TBX3: variants seen among roughly 807,000 people sequenced by gnomAD.
TBX3 encodes T-box transcription factor 3.
Under a neutral mutation model 47.8 loss-of-function variants are expected in TBX3, and 11 were observed. That is an observed-to-expected ratio of 0.23 (90% confidence interval 0.14 to 0.38). The LOEUF (loss-of-function observed/expected upper bound fraction) is 0.38, where lower values mean the gene tolerates loss of function less well. Among genes scored for constraint, TBX3 ranks in the 10% least tolerant of loss-of-function variants. The pLI is 1.00. For missense variants in TBX3, 927 were observed against 1,022.8 expected (o/e 0.91, Z 1.28); for synonymous variants, 500 against 449.3 (o/e 1.11, Z -1.43).
chr12:114,671,943 G>A lies in TBX3; in HGVS notation c.2070C>T (p.Leu690=). Residue 690 remains leucine (L), a synonymous_variant, in exon 7 of 7, where the codon CTC becomes CTT. Coordinates refer to ENST00000349155, the MANE Select transcript of TBX3 (RefSeq NM_005996.4). ...TGGTGGCCGCCTCTTTCTCCGCGCA[G>A]AGTTTGGGCGACAAGGACATGGAGC... is the stretch of plus-strand genomic sequence containing the variant. ...SSSSMSLSPK[L]CAEKEAATSE... 1 of 1,595,706 alleles carries A rather than the reference G, an allele frequency of 6.3e-7. No individual in the cohort carries two copies. The highest frequency in any genetic ancestry group is 8.5e-7 in the Non-Finnish European group (1 of 1,171,190).
chr12:114,680,729 C>G lies in TBX3; in HGVS notation c.657+150G>C, dbSNP rs545443240. 4.2e-5 allele frequency: 50 copies of G among 1,180,214 alleles called. No homozygotes were observed. The East Asian group carries it at 1.2e-3, about 27-fold the overall frequency. The allele number at this position is 1,180,214 out of a possible 1,614,324, so 73.1% of individuals were successfully genotyped here. A position where few individuals can be genotyped will look rare whatever the true frequency, so the allele number is the denominator to read the frequency against. On this transcript the variant is annotated intron_variant, in intron 2 of 6. Coordinates refer to ENST00000349155, the MANE Select transcript of TBX3 (RefSeq NM_005996.4). Reference sequence around the variant, plus strand: ...GCCTTCCATTATTTGGAGAGAAACACCCCGAATCCTTTTTCCAGACGAGGA... The same window carrying G: ...GCCTTCCATTATTTGGAGAGAAACAGCCCGAATCCTTTTTCCAGACGAGGA...
chr12:114,677,460 G>A, intron 4 of TBX3, 120 bp downstream of exon 4: 1 of 951,882 alleles, frequency 1.1e-6, no homozygotes, highest in Non-Finnish European at 1.7e-6. Context: ...AGTGGGGAAA[G>A]TGAATGATTT....
rs1178333286 is a variant in TBX3 at position 114,683,072 on chromosome 12, C to G, written c.129G>C (p.Ala43=). Residue 43 remains alanine, a synonymous_variant, in exon 1 of 7, where the codon GCG becomes GCC. Transcript: ENST00000349155. This position sits in a 1 kb window ranked among gnomAD's most constrained non-coding sequence, Gnocchi z 7.7. ...VLGHQPPFFP[A]LTLPPNGAAA... is the part of the protein sequence containing the mutation. Reference sequence around the variant, plus strand: ...CCGCGCCGTTGGGAGGCAGCGTCAGCGCGGGGAAGAACGGCGGCTGGTGAC... The same window carrying G: ...CCGCGCCGTTGGGAGGCAGCGTCAGGGCGGGGAAGAACGGCGGCTGGTGAC... The G allele has an allele frequency of 1.2e-6, 2 of 1,610,692 alleles. No homozygotes were observed. Among genetic ancestry groups the G allele is most frequent in the African/African-American group, 2.7e-5 (2 of 74,822 alleles).
chr12:114,679,917 G>A, intron 2 of TBX3: 1 of 1,614,066 alleles, frequency 6.2e-7, no homozygotes, highest in Non-Finnish European at 8.5e-7. Context: ...GCCTACCTGA[G>A]TACCAAAACT....
chr12:114,682,882 G>A lies in TBX3; in HGVS notation c.319C>T (p.Leu107=), dbSNP rs764635096. 1 of 1,614,174 alleles carries A rather than the reference G, an allele frequency of 6.2e-7. No individual in the cohort carries two copies. Among genetic ancestry groups the A allele is most frequent in the South Asian group, 1.1e-5 (1 of 91,080 alleles). The change falls in exon 1 of 7, where the codon CTG becomes TTG. Residue 107 remains leucine, a synonymous_variant. Coordinates refer to ENST00000349155, the MANE Select transcript of TBX3 (RefSeq NM_005996.4). The part of the protein sequence containing the change: ...EEVEDDPKVH[L]EAKELWDQFH... The stretch of plus-strand genomic sequence containing the variant: ...TGATCCCAAAGTTCTTTAGCCTCCA[G>A]GTGCACCTTGGGGTCGTCCTCCACC...
rs1203945786 is a variant in TBX3, at chr12:114,683,630, C to G, written c.-430G>C. 8.3e-6 allele frequency: 2 copies of G among 239,760 alleles called. No individual in the cohort carries two copies. The highest frequency in any genetic ancestry group is 1.6e-5 in the Non-Finnish European group (2 of 123,474). The allele number at this position is 239,760 out of a possible 1,614,324, so 14.9% of individuals were successfully genotyped here. A position where few individuals can be genotyped will look rare whatever the true frequency, so the allele number is the denominator to read the frequency against. The stretch of plus-strand genomic sequence containing the variant: ...TCTCCAGCCCCTAGGTCTTTTGTTG[C>G]AAATGTGAAAGGTTCTCCTAGAAGA... On this transcript the variant is annotated 5_prime_UTR_variant, in exon 1 of 7. Transcript: ENST00000349155. The surrounding 1 kb of genome is among the most constrained non-coding windows in gnomAD (Gnocchi z 7.7).
intron 3 of TBX3, among the ~76,000 whole-genome samples, chr12:114,678,589 C>T (rs1868805567): frequency 1.3e-5 from 2 of 152,162 alleles, no homozygotes; most frequent in South Asian, 4.1e-4. Flanking sequence ...ATCATGAAGT[C>T]CACAGAGGAC....
Position 114,674,537 on chromosome 12 carries a change from C to T in TBX3, c.1338G>A (p.Lys446=). 6.5e-7 allele frequency: 1 copy of T among 1,537,930 alleles called. No homozygotes were observed. The highest frequency in any genetic ancestry group is 8.7e-7 in the Non-Finnish European group (1 of 1,146,584). Residue 446 remains lysine, a synonymous_variant, in exon 6 of 7, where the codon AAG becomes AAA. Transcript: ENST00000349155. ...SPVREGTAPA[K]VEEARALPGK... ...CCGGGAGCGCGCGCGCCTCTTCCAC[C>T]TTGGCCGGCGCTGTGCCCTCGCGAA...
At position 114,679,608 on chromosome 12, in the gene TBX3, A is replaced by G. The variant is rs1441443517; in HGVS notation, c.701T>C (p.Ile234Thr). ...SMHKYQPRFH[I>T]VRANDILKLP... ...TTTCAAGATGTCATTGGCTCTTACA[A>G]TGTGGAACCGGGGCTGGTATTTGTG... Residue 234 changes from isoleucine (I) to threonine (T), a missense_variant, in exon 3 of 7, where the codon ATT becomes ACT. By Grantham distance (89) the Ile-to-Thr change is moderately conservative. Transcript: ENST00000349155. The G allele has an allele frequency of 6.2e-7, 1 of 1,614,176 alleles. No homozygotes were observed. The highest frequency in any genetic ancestry group is 8.5e-7 in the Non-Finnish European group (1 of 1,180,008).
chr12:114,674,719 C>A lies in TBX3; in HGVS notation c.1156G>T (p.Asp386Tyr). Residue 386 changes from aspartate (D) to tyrosine (Y), a missense_variant, in exon 6 of 7, where the codon GAC (aspartate) becomes TAC (tyrosine). Coordinates refer to ENST00000349155, the MANE Select transcript of TBX3 (RefSeq NM_005996.4). ...GCCTTGACCGCGGGGCTGCCCTTGT[C>A]ACGGCAGGGCTCCTCCGACGTGGTG... Reference protein sequence around the residue: ...STTTSEEPCRDKGSPAVKAHL... With the variant: ...STTTSEEPCRYKGSPAVKAHL... 1 of 1,601,338 alleles carries A rather than the reference C, an allele frequency of 6.2e-7. No individual in the cohort carries two copies. The highest frequency in any genetic ancestry group is 8.5e-7 in the Non-Finnish European group (1 of 1,177,416).
At chr12:114,677,161 G>A (rs940427315) in intron 4 of TBX3, among the ~76,000 whole-genome samples, 4 of 152,188 alleles carry the variant, frequency 2.6e-5, no homozygotes, top group Non-Finnish European at 5.9e-5. Flanking sequence ...TCCCCACGAA[G>A]GAGGGAGAGA....
intron 6 of TBX3, among the ~76,000 whole-genome samples, chr12:114,673,425 G>GCCTGCCCAAGTC (rs558724234): frequency 0.01 from 1,589 of 152,306 alleles, 4 homozygotes; most frequent in Non-Finnish European, 0.017. Context: ...AGGCCTCCAG[G>GCCTGCCCAAGTC]CCTGCCCCAG....
chr12:114,680,387 C>T (rs1256822282), intron 2 of TBX3: 1 of 287,422 alleles, frequency 3.5e-6, no homozygotes, highest in Non-Finnish European at 6.6e-6. Context: ...TAGGGTAAGC[C>T]GGACTCCCAC....
chr12:114,682,123 T>G (rs983904303), intron 1 of TBX3, among the ~76,000 whole-genome samples: 4 of 152,178 alleles, frequency 2.6e-5, no homozygotes, highest in African/African-American at 9.7e-5. Context: ...TTAAACATTA[T>G]GTAAAATATG....
intron 6 of TBX3, 24 bp from the exon 7 acceptor site, chr12:114,672,326 A>G (rs1868484167): frequency 1.3e-6 from 2 of 1,510,292 alleles, no homozygotes; most frequent in Non-Finnish European, 8.8e-7. Flanking sequence ...AGAGACACAC[A>G]GCGAGTCAGC....
At position 114,670,486 on chromosome 12, in the gene TBX3, GA is replaced by G. The variant is rs1396084926; in HGVS notation, c.*1354del. The G allele has an allele frequency of 1.8e-5, 4 of 221,284 alleles. No individual in the cohort carries two copies. The highest frequency in any genetic ancestry group is 8.9e-5 in the African/African-American group (4 of 44,706). The allele number at this position is 221,284 out of a possible 1,614,324, so 13.7% of individuals were successfully genotyped here. A position where few individuals can be genotyped will look rare whatever the true frequency, so the allele number is the denominator to read the frequency against. Reference sequence around the variant, plus strand: ...GTAGTAAATTCCACTTCGTTTTGAGGAAATCAGAGACTAGCAAATACAAATA... The same window carrying G: ...GTAGTAAATTCCACTTCGTTTTGAGGAATCAGAGACTAGCAAATACAAATA... On this transcript the variant is annotated 3_prime_UTR_variant, in exon 7 of 7. Transcript: ENST00000349155.
At chr12:114,679,735 A>G (rs1868848548) in intron 2 of TBX3, 84 bp from the exon 3 acceptor site, 1 of 1,599,774 alleles carries the variant, frequency 6.3e-7, no homozygotes, top group Non-Finnish European at 8.6e-7. Context: ...CCAGGCTGAA[A>G]TCTTCCCCAC....
rs757541848 is a variant in TBX3 at position 114,681,002 on chromosome 12, G to A, written c.534C>T (p.Pro178=). 9.9e-6 allele frequency: 16 copies of A among 1,613,662 alleles called. No homozygotes were observed. The highest frequency in any genetic ancestry group is 2.7e-5 in the African/African-American group (2 of 74,862). ...SRWMVAGKAD[P]EMPKRMYIHP... ...GAATGTACATCCTCTTTGGCATTTC[G>A]GGGTCGGCCTTACCAGCCACCATCC... The change falls in exon 2 of 7, where the codon CCC becomes CCT. Residue 178 remains proline, a synonymous_variant. Coordinates refer to ENST00000349155, the MANE Select transcript of TBX3 (RefSeq NM_005996.4).
rs755172309 is a variant in TBX3, at chr12:114,676,409, T to C, written c.943A>G (p.Thr315Ala). Residue 315 changes from threonine to alanine, a missense_variant, in exon 5 of 7, where the codon ACC (threonine) becomes GCC (alanine). By Grantham distance (58) the Thr-to-Ala change is moderately conservative. Around this residue, in one of 5 missense-constraint regions of TBX3, gnomAD observed 44 missense variants for 59.3 expected, o/e 0.74. Transcript: ENST00000349155. ...TGTTCACTGGAGGACTCATCAGAGGTCCCATTCTCCTTTTTGTGTCTTTCA... is the reference window on the plus strand; with the variant it reads ...TGTTCACTGGAGGACTCATCAGAGGCCCCATTCTCCTTTTTGTGTCTTTCA... ...FDERHKKENG[T>A]SDESSSEQAA... 6.2e-7 allele frequency: 1 copy of C among 1,614,150 alleles called. No homozygotes were observed. The highest frequency in any genetic ancestry group is 1.7e-5 in the Admixed American group (1 of 60,024).
Sources: gnomAD v4.1 joint callset for allele counts (sites outside exome capture counted in the v4.1 genomes callset) on GRCh38, gnomAD v4.1.1 for gene constraint, gnomAD v4.1.1 regional missense constraint, Gnocchi (gnomAD v3.1) non-coding constraint, MANE v1.5 for transcripts, NCBI Gene and HGNC (gene_info 2026-07-23, HGNC 2026-07-21) for gene names.